DIS3L2: variants seen among roughly 807,000 people sequenced by gnomAD.
The protein encoded by DIS3L2 is DIS3-like exonuclease 2.
Under a neutral mutation model 97.5 loss-of-function variants are expected in DIS3L2, and 34 were observed. The observed-to-expected ratio is 0.35, with a 90% confidence interval of 0.27 to 0.46. The LOEUF (loss-of-function observed/expected upper bound fraction) is 0.46. DIS3L2 is among the 20% of genes least tolerant of loss of function. DIS3L2 has a pLI of 1.00. For synonymous variants in DIS3L2, 435 were observed against 445.2 expected (o/e 0.98, Z 0.29); for missense variants, 1,038 against 1,146.0 (o/e 0.91, Z 1.36).
chr2:232,059,436 GA>G (rs1473906826), intron 5 of DIS3L2, among the ~76,000 whole-genome samples: 1 of 152,142 alleles, frequency 6.6e-6, no homozygotes, highest in Admixed American at 6.6e-5. Flanking sequence ...CATAAGCCCT[GA>G]ATCTTAGGTG....
intron 8 of DIS3L2, among the ~76,000 whole-genome samples, chr2:232,144,949 A>G (rs2106362432): frequency 6.6e-6 from 1 of 152,362 alleles, no homozygotes; most frequent in South Asian, 2.1e-4. Context: ...TAATGTCAGT[A>G]AGTAATACTG....
chr2:232,021,628 G>A (rs1229113356), intron 3 of DIS3L2, among the ~76,000 whole-genome samples: 1 of 151,702 alleles, frequency 6.6e-6, no homozygotes, highest in African/African-American at 2.4e-5. Flanking sequence ...AGAGAGGAAG[G>A]CAGTGAACTG....
In DIS3L2 at chr2:232,325,354, A is replaced by G. The variant is rs1695542799; in HGVS notation, c.1740-4459A>G. Among the ~76,000 whole-genome samples, 1 of 152,184 alleles carries G rather than the reference A, an allele frequency of 6.6e-6. No individual in the cohort carries two copies. The highest frequency in any genetic ancestry group is 2.4e-5 in the African/African-American group (1 of 41,446). Reference sequence around the variant, plus strand: ...TTTTTCTTTAGAGGAACGTTTGTGCACTGTGGGAACCTCTGTCTCTACCAG... The same window carrying G: ...TTTTTCTTTAGAGGAACGTTTGTGCGCTGTGGGAACCTCTGTCTCTACCAG... On this transcript the variant is annotated intron_variant, in intron 14 of 20. Coordinates refer to ENST00000325385, the MANE Select transcript of DIS3L2 (RefSeq NM_152383.5). This position sits in a 1 kb window ranked among gnomAD's most constrained non-coding sequence, Gnocchi z 4.6.
At chr2:232,146,136 C>T (rs551249536) in intron 8 of DIS3L2, among the ~76,000 whole-genome samples, 2 of 152,218 alleles carry the variant, frequency 1.3e-5, no homozygotes, top group South Asian at 4.1e-4. Context: ...ATAAAGGGAG[C>T]ACCTTTAGGA....
chr2:231,982,008 G>C (rs913735950), intron 1 of DIS3L2, among the ~76,000 whole-genome samples: 6 of 150,270 alleles, frequency 4.0e-5, no homozygotes, highest in African/African-American at 1.5e-4. Context: ...CTCCAGTGTG[G>C]GTGACAGAAG....
At chr2:232,211,737 A>G (rs748557579) in intron 10 of DIS3L2, among the ~76,000 whole-genome samples, 1 of 152,204 alleles carries the variant, frequency 6.6e-6, no homozygotes, top group Non-Finnish European at 1.5e-5. Context: ...TCTCTTCTCT[A>G]CTATAATAGA....
chr2:232,304,619 T>C (rs1559202615), intron 14 of DIS3L2, among the ~76,000 whole-genome samples: 1 of 152,184 alleles, frequency 6.6e-6, no homozygotes, highest in Non-Finnish European at 1.5e-5. Flanking sequence ...CTACCCTCCT[T>C]CTCACTGCCA....
intron 1 of DIS3L2, among the ~76,000 whole-genome samples, chr2:231,987,587 C>T (rs556061278): frequency 3.3e-5 from 5 of 152,300 alleles, no homozygotes; most frequent in African/African-American, 1.2e-4. Context: ...AACTGAGGTC[C>T]TGCACCTTGA....
intron 9 of DIS3L2, among the ~76,000 whole-genome samples, chr2:232,171,185 T>A (rs2106172088): frequency 6.6e-6 from 1 of 152,278 alleles, no homozygotes; most frequent in African/African-American, 2.4e-5. Context: ...TTGACCAGAT[T>A]AGGATTTTTC....
chr2:232,086,355 ATATGTGTATATG>A (rs1197272766), intron 5 of DIS3L2, among the ~76,000 whole-genome samples: 7 of 84,506 alleles, frequency 8.3e-5, no homozygotes, highest in African/African-American at 3.2e-4. Flanking sequence ...ATATGTATAT[ATATGTGTATATG>A]TATATGTATA....
chr2:231,974,755 A>G (rs1397864806), intron 1 of DIS3L2, among the ~76,000 whole-genome samples: 1 of 152,188 alleles, frequency 6.6e-6, no homozygotes, highest in East Asian at 1.9e-4. Flanking sequence ...CTATCAGAAC[A>G]TAAAGCTATT....
intron 9 of DIS3L2, chr2:232,198,809 C>CCAAG (rs1279650863): frequency 6.6e-6 from 1 of 152,226 alleles, no homozygotes; most frequent in African/African-American, 2.4e-5. Flanking sequence ...GGGCCTTTGC[C>CCAAG]CAAGTTCTTC....
At chr2:232,063,126 C>T (rs1428672513) in intron 5 of DIS3L2, among the ~76,000 whole-genome samples, 1 of 152,194 alleles carries the variant, frequency 6.6e-6, no homozygotes, top group Non-Finnish European at 1.5e-5. Flanking sequence ...CCTGCTTCCT[C>T]ACTCAGGGCC....
At chr2:231,962,116 C>T (rs1243826594) in intron 1 of DIS3L2, among the ~76,000 whole-genome samples, 2 of 152,132 alleles carry the variant, frequency 1.3e-5, no homozygotes, top group African/African-American at 4.8e-5. Context: ...CTCGGGTCAC[C>T]TGTGGACGCG....
intron 14 of DIS3L2, among the ~76,000 whole-genome samples, chr2:232,322,665 C>A (rs1397286644): frequency 6.6e-6 from 1 of 152,224 alleles, no homozygotes; most frequent in Non-Finnish European, 1.5e-5. Flanking sequence ...AAACTTGCAG[C>A]AGCAAAGCTG....
At chr2:232,048,026 A>G (rs1209304792) in intron 5 of DIS3L2, among the ~76,000 whole-genome samples, 1 of 152,184 alleles carries the variant, frequency 6.6e-6, no homozygotes, top group East Asian at 1.9e-4. Flanking sequence ...GTGAACATTC[A>G]TGCACAAGAT....
chr2:232,221,897 G>A (rs959321843), intron 10 of DIS3L2, among the ~76,000 whole-genome samples: 8 of 152,204 alleles, frequency 5.3e-5, no homozygotes, highest in African/African-American at 1.7e-4. Context: ...CCAGTGCTTC[G>A]AATGCTGTTA....
At chr2:232,272,996 T>C (rs926090777) in intron 13 of DIS3L2, among the ~76,000 whole-genome samples, 9 of 152,092 alleles carry the variant, frequency 5.9e-5, no homozygotes, top group Non-Finnish European at 1.0e-4. Flanking sequence ...TCATTTCTTA[T>C]AGATGAAGAA....
chr2:232,168,696 A>G (rs1175809498), intron 9 of DIS3L2, among the ~76,000 whole-genome samples: 4 of 152,122 alleles, frequency 2.6e-5, no homozygotes. Flanking sequence ...CCTGACCCAC[A>G]CATAGTGAGG....
Sources: allele counts gnomAD v4.1 joint callset (sites outside exome capture counted in the v4.1 genomes callset), GRCh38; gene constraint gnomAD v4.1.1; non-coding constraint Gnocchi (gnomAD v3.1); transcripts MANE v1.5; gene names NCBI Gene and HGNC (gene_info 2026-07-23, HGNC 2026-07-21).